The following AFAP1 variants were observed in gnomAD, a reference collection of about 807,000 sequenced individuals.
The protein encoded by AFAP1 is actin filament associated protein 1.
In AFAP1, 75 loss-of-function variants were observed where a neutral mutation model predicts 93.9. The ratio of observed to expected loss-of-function variants is 0.80; its 90% confidence interval spans 0.66 to 0.97. The LOEUF (loss-of-function observed/expected upper bound fraction) is 0.97, where lower values mean the gene tolerates loss of function less well. Among genes scored for constraint, AFAP1 ranks in the 50% least tolerant of loss-of-function variants. The pLI is 0.00. For missense variants in AFAP1, 1,201 were observed against 1,050.8 expected, an observed-to-expected ratio of 1.14 and a Z score of -1.98; for synonymous variants, 517 against 430.7, an observed-to-expected ratio of 1.20 and a Z score of -2.48.
At chr4:7,920,804 T>G (rs758523145) in intron 1 of AFAP1, among the ~76,000 whole-genome samples, 5 of 152,156 alleles carry the variant, frequency 3.3e-5, no homozygotes, top group Non-Finnish European at 5.9e-5. Context: ...TGTATATTGT[T>G]TCATAATCTA....
intron 10 of AFAP1, among the ~76,000 whole-genome samples, chr4:7,797,573 A>T (rs1012054954): frequency 6.6e-6 from 1 of 152,194 alleles, no homozygotes; most frequent in Admixed American, 6.5e-5. Context: ...CTCCTTCCTA[A>T]GTGTCAATGA....
At chr4:7,841,122 C>T (rs1363647605) in intron 5 of AFAP1, among the ~76,000 whole-genome samples, 3 of 152,236 alleles carry the variant, frequency 2.0e-5, no homozygotes, top group Non-Finnish European at 4.4e-5. Context: ...CTATAGCAGG[C>T]AGCAGCATGC....
chr4:7,834,690 G>T (rs1712065911), intron 6 of AFAP1, among the ~76,000 whole-genome samples: 1 of 152,234 alleles, frequency 6.6e-6, no homozygotes, highest in Non-Finnish European at 1.5e-5. Flanking sequence ...GGCAGCTGAG[G>T]GGCAAGGCAG....
intron 4 of AFAP1, among the ~76,000 whole-genome samples, chr4:7,850,237 A>T (rs1479478787): frequency 6.6e-5 from 10 of 152,224 alleles, no homozygotes; most frequent in Non-Finnish European, 1.5e-4. Context: ...GAAGGACACA[A>T]GATAGCTCCC....
rs142606773 is a variant in AFAP1 at position 7,838,086 on chromosome 4, T to C, written c.726+438A>G. On this transcript the variant is annotated intron_variant, in intron 6 of 17. Coordinates refer to ENST00000420658, the MANE Select transcript of AFAP1 (RefSeq NM_001134647.2). Reference sequence around the variant, plus strand: ...AAATATAGTGAGAAAGTCTAACATATATTTAAATGTAGTCTCAGGGAAGAA... The same window carrying C: ...AAATATAGTGAGAAAGTCTAACATACATTTAAATGTAGTCTCAGGGAAGAA... Among the ~76,000 whole-genome samples the C allele has an allele frequency of 3.4e-3, 522 of 152,234 alleles. 2 individuals are homozygous for C. The highest frequency in any genetic ancestry group is 0.012 in the African/African-American group (509 of 41,536).
intron 1 of AFAP1, among the ~76,000 whole-genome samples, chr4:7,882,730 G>A (rs1287411013): frequency 6.6e-6 from 1 of 152,142 alleles, no homozygotes; most frequent in Non-Finnish European, 1.5e-5. Flanking sequence ...GTGGTGGCAC[G>A]TGCTTGTAAT....
At chr4:7,815,948 C>T in intron 8 of AFAP1, 70 bp downstream of exon 8, 2 of 1,389,420 alleles carry the variant, frequency 1.4e-6, no homozygotes, top group Non-Finnish European at 2.0e-6. Context: ...ACTTTACAAA[C>T]CTGGCTGTAG....
At chr4:7,938,289 A>C (rs1233750955) in intron 1 of AFAP1, among the ~76,000 whole-genome samples, 3 of 152,166 alleles carry the variant, frequency 2.0e-5, no homozygotes, top group East Asian at 3.9e-4. Flanking sequence ...TGTTACTTAA[A>C]CACCATCTCT....
At chr4:7,815,649 C>T (rs1416438941) in intron 8 of AFAP1, among the ~76,000 whole-genome samples, 1 of 152,150 alleles carries the variant, frequency 6.6e-6, no homozygotes, top group African/African-American at 2.4e-5. Context: ...AAGTGCTTTT[C>T]ACTGGACACC....
chr4:7,840,995 G>A (rs968878986), intron 5 of AFAP1, among the ~76,000 whole-genome samples: 4 of 152,146 alleles, frequency 2.6e-5, no homozygotes, highest in Non-Finnish European at 2.9e-5. Context: ...TTCAGAAAGG[G>A]AACTTTATAA....
At chr4:7,778,900 C>T (rs1028887324) in intron 13 of AFAP1, 24 bp from the exon 14 acceptor site, 18 of 1,494,420 alleles carry the variant, frequency 1.2e-5, no homozygotes, top group African/African-American at 4.2e-5. Context: ...CATATAAGAA[C>T]ATTAAAAATA....
rs971237879 is a variant in AFAP1, at chr4:7,939,745, C to G, written c.-92G>C. On this transcript the variant is annotated 5_prime_UTR_variant, in exon 1 of 18. Coordinates refer to ENST00000420658, the MANE Select transcript of AFAP1 (RefSeq NM_001134647.2). The surrounding 1 kb of genome is among the most constrained non-coding windows in gnomAD (Gnocchi z 5.6). ...GAACAGCCGACAGAGCCGCAGCCGC[C>G]TTAACAATGGAGCCCCGGGGCGGGG... is the stretch of plus-strand genomic sequence containing the variant. 2 of 408,968 alleles carry G rather than the reference C, an allele frequency of 4.9e-6. No individual in the cohort carries two copies. The highest frequency in any genetic ancestry group is 3.3e-5 in the South Asian group (2 of 59,960). 25.3% of individuals were successfully genotyped at this position (408,968 alleles called of 1,614,324 possible).
chr4:7,878,599 G>A (rs756402263), intron 1 of AFAP1, among the ~76,000 whole-genome samples: 23 of 152,170 alleles, frequency 1.5e-4, no homozygotes, highest in Non-Finnish European at 3.2e-4. Flanking sequence ...AAGTACCGTG[G>A]TCTCTGAAGC....
chr4:7,923,887 C>T (rs1348027908), intron 1 of AFAP1, among the ~76,000 whole-genome samples: 2 of 152,218 alleles, frequency 1.3e-5, no homozygotes, highest in Non-Finnish European at 2.9e-5. Context: ...GGGGTGAGGG[C>T]TCCAGTACGA....
intron 3 of AFAP1, among the ~76,000 whole-genome samples, chr4:7,860,408 G>A (rs1279612291): frequency 6.6e-6 from 1 of 152,094 alleles, no homozygotes; most frequent in African/African-American, 2.4e-5. Context: ...CTGACATGAT[G>A]CTCAAAGGAC....
At position 7,904,334 on chromosome 4, in the gene AFAP1, T is replaced by C. The variant is rs978166113; in HGVS notation, c.-2-32254A>G. Among the ~76,000 whole-genome samples the C allele has an allele frequency of 5.3e-5, 8 of 152,164 alleles. No homozygotes were observed. The South Asian group carries it at 1.7e-3, about 32-fold the overall frequency. Reference sequence around the variant, plus strand: ...ACAGGTCCTTTGTTCTTTGAATTAATACTGCCAATGCCCAAAATACTTTCT... The same window carrying C: ...ACAGGTCCTTTGTTCTTTGAATTAACACTGCCAATGCCCAAAATACTTTCT... On this transcript the variant is annotated intron_variant, in intron 1 of 17. Coordinates refer to ENST00000420658, the MANE Select transcript of AFAP1 (RefSeq NM_001134647.2).
At chr4:7,810,010 C>T (rs1050009227) in intron 8 of AFAP1, among the ~76,000 whole-genome samples, 1 of 152,170 alleles carries the variant, frequency 6.6e-6, no homozygotes, top group African/African-American at 2.4e-5. Context: ...AGGTGCGTGT[C>T]ACTACGTAGG....
chr4:7,868,057 A>G (rs1283438213), intron 3 of AFAP1, among the ~76,000 whole-genome samples: 1 of 152,154 alleles, frequency 6.6e-6, no homozygotes, highest in Non-Finnish European at 1.5e-5. Flanking sequence ...AATGGTACAT[A>G]AAAGTTTGCA....
chr4:7,779,125 G>GC, intron 13 of AFAP1: 2 of 454,490 alleles, frequency 4.4e-6, no homozygotes, highest in East Asian at 4.2e-5. Context: ...CACTGCAGAA[G>GC]TGGCCCCTTT....
Sources: gnomAD v4.1 joint callset for allele counts (sites outside exome capture counted in the v4.1 genomes callset) on GRCh38, gnomAD v4.1.1 for gene constraint, Gnocchi (gnomAD v3.1) non-coding constraint, MANE v1.5 for transcripts, NCBI Gene and HGNC (gene_info 2026-07-23, HGNC 2026-07-21) for gene names.